The following GABRA3 variants were observed in gnomAD, a reference collection of about 807,000 sequenced individuals.
GABRA3 encodes the protein gamma-aminobutyric acid receptor subunit alpha-3.
Under a neutral mutation model 30.1 loss-of-function variants are expected in GABRA3, and 10 were observed. The ratio of observed to expected loss-of-function variants is 0.33; its 90% confidence interval spans 0.20 to 0.56. GABRA3 has a LOEUF of 0.56. Among genes scored for constraint, GABRA3 ranks in the 20% least tolerant of loss-of-function variants. The pLI is 0.89. For synonymous variants in GABRA3, 151 were observed against 146.8 expected (o/e 1.03, Z -0.21); for missense variants, 233 against 392.0 (o/e 0.59, Z 3.42).
At chrX:152,421,375 T>G (rs1407717360) in intron 1 of GABRA3, among the ~76,000 whole-genome samples, 1 of 111,282 alleles carries the variant, frequency 9.0e-6, no homozygotes, top group Non-Finnish European at 1.9e-5. Context: ...AGTGAAGACT[T>G]ACTGTATATA....
chrX:152,237,328 G>C (rs1407937057), intron 5 of GABRA3, among the ~76,000 whole-genome samples: 3 of 108,087 alleles, frequency 2.8e-5, no homozygotes, highest in Admixed American at 2.0e-4. Flanking sequence ...TTATTTCTGA[G>C]GGCTCTGTTC....
At chrX:152,250,990 A>T in intron 5 of GABRA3, 1 of 226,665 alleles carries the variant, frequency 4.4e-6, no homozygotes, top group South Asian at 5.6e-5. Context: ...AGAGAAAGTG[A>T]ACGGTTTGTG....
intron 1 of GABRA3, among the ~76,000 whole-genome samples, chrX:152,366,982 T>C (rs925799047): frequency 1.8e-5 from 2 of 111,205 alleles, no homozygotes; most frequent in Non-Finnish European, 3.8e-5. Context: ...TAGTGAAGAA[T>C]TGATATCCTT....
intron 2 of GABRA3, among the ~76,000 whole-genome samples, chrX:152,360,707 A>AG (rs1928460717): frequency 1.1e-5 from 1 of 90,033 alleles, no homozygotes; most frequent in East Asian, 3.6e-4. Flanking sequence ...TAAAAAAAAA[A>AG]AAATTAAAAA....
chrX:152,318,318 A>T (rs992641308), intron 3 of GABRA3, among the ~76,000 whole-genome samples: 1 of 111,594 alleles, frequency 9.0e-6, no homozygotes, highest in African/African-American at 3.3e-5. Context: ...TTGAAATGTT[A>T]ATTTAAAAAA....
chrX:152,263,445 C>A (rs1347387624), intron 4 of GABRA3, among the ~76,000 whole-genome samples: 2 of 109,939 alleles, frequency 1.8e-5, no homozygotes, highest in Non-Finnish European at 3.8e-5. Flanking sequence ...GAGAATGCAT[C>A]AGAGTCTTTT....
intron 1 of GABRA3, among the ~76,000 whole-genome samples, chrX:152,428,312 G>A (rs772542468): frequency 1.1e-4 from 12 of 111,972 alleles, no homozygotes; most frequent in Admixed American, 2.8e-4. Context: ...GCTGCTATGC[G>A]GTGGCGTCCC....
chrX:152,414,008 T>TA (rs1156515935), intron 1 of GABRA3, among the ~76,000 whole-genome samples: 4 of 109,881 alleles, frequency 3.6e-5, no homozygotes, highest in Non-Finnish European at 5.7e-5. Context: ...CAAAGCAAAA[T>TA]AAAAAAAGCT....
chrX:152,284,173 T>C (rs1939247383), intron 4 of GABRA3, among the ~76,000 whole-genome samples: 1 of 111,460 alleles, frequency 9.0e-6, no homozygotes, highest in South Asian at 3.7e-4. Flanking sequence ...CAAAGAATAG[T>C]TTCCAGAAGT....
At chrX:152,363,076 G>A (rs1276220109) in intron 2 of GABRA3, among the ~76,000 whole-genome samples, 1 of 111,503 alleles carries the variant, frequency 9.0e-6, no homozygotes, top group East Asian at 2.8e-4. Context: ...GGAGTCATTG[G>A]CATTTACATA....
intron 4 of GABRA3, among the ~76,000 whole-genome samples, chrX:152,272,490 A>G (rs1938963072): frequency 8.9e-6 from 1 of 112,415 alleles, no homozygotes; most frequent in African/African-American, 3.2e-5. Flanking sequence ...CTTGCTTTCA[A>G]TTTTACAGGC....
intron 9 of GABRA3, among the ~76,000 whole-genome samples, chrX:152,178,608 A>G: frequency 8.9e-6 from 1 of 112,549 alleles, no homozygotes. Context: ...TGCAAAATTT[A>G]TACAAGAAGT....
At chrX:152,302,315 G>A (rs983013569) in intron 3 of GABRA3, among the ~76,000 whole-genome samples, 2 of 110,124 alleles carry the variant, frequency 1.8e-5, no homozygotes, top group African/African-American at 3.3e-5. Context: ...TAAATATAAG[G>A]GTATAAATAT....
At chrX:152,226,718 C>T (rs1372801819) in intron 5 of GABRA3, among the ~76,000 whole-genome samples, 3 of 111,367 alleles carry the variant, frequency 2.7e-5, no homozygotes, top group Admixed American at 9.5e-5. Context: ...AACAAGTGGG[C>T]GAAGGATATG....
chrX:152,394,154 C>A (rs1929578388), intron 1 of GABRA3, among the ~76,000 whole-genome samples: 1 of 111,024 alleles, frequency 9.0e-6, no homozygotes, highest in Non-Finnish European at 1.9e-5. Flanking sequence ...CTTTTTTTGT[C>A]ATTTTGCAGG....
chrX:152,202,935 T>C (rs1201175669), intron 7 of GABRA3, among the ~76,000 whole-genome samples: 1 of 111,992 alleles, frequency 8.9e-6, no homozygotes, highest in Non-Finnish European at 1.9e-5. Context: ...GACAGTAAAA[T>C]AGAATAAACC....
At chrX:152,277,077 A>G (rs1364621378) in intron 4 of GABRA3, among the ~76,000 whole-genome samples, 1 of 111,743 alleles carries the variant, frequency 8.9e-6, no homozygotes, top group African/African-American at 3.2e-5. Flanking sequence ...TTTTCTCTAC[A>G]CAGAGAAATT....
At chrX:152,243,538 C>T (rs936367838) in intron 5 of GABRA3, among the ~76,000 whole-genome samples, 6 of 111,816 alleles carry the variant, frequency 5.4e-5, no homozygotes, top group African/African-American at 9.8e-5. Flanking sequence ...ACCATGAACC[C>T]AGCTTGTAGT....
At chrX:152,422,185 T>C (rs1930388847) in intron 1 of GABRA3, among the ~76,000 whole-genome samples, 2 of 111,616 alleles carry the variant, frequency 1.8e-5, no homozygotes, top group Non-Finnish European at 3.8e-5. Flanking sequence ...ATAATTGTGG[T>C]ATATTTATAG....
Sources: allele counts gnomAD v4.1 joint callset (sites outside exome capture counted in the v4.1 genomes callset), GRCh38; gene constraint gnomAD v4.1.1; transcripts MANE v1.5; gene names NCBI Gene and HGNC (gene_info 2026-07-23, HGNC 2026-07-21).